PCDH15: variants seen among roughly 807,000 people sequenced by gnomAD.
PCDH15 encodes the protein protocadherin-15.
A neutral mutation model predicts 178.5 loss-of-function variants in PCDH15; 129 were observed. That is an observed-to-expected ratio of 0.72 (90% CI 0.63 to 0.84). The LOEUF is 0.84. Among genes scored for constraint, PCDH15 ranks in the 40% least tolerant of loss-of-function variants. PCDH15 has a pLI of 0.00. For synonymous variants in PCDH15, 800 were observed against 732.0 expected (o/e 1.09, Z -1.50); for missense variants, 2,230 against 2,099.9 (o/e 1.06, Z -1.21).
At chr10:54,415,102 A>C (rs1954126303) in intron 3 of PCDH15, among the ~76,000 whole-genome samples, 1 of 152,136 alleles carries the variant, frequency 6.6e-6, no homozygotes, top group Non-Finnish European at 1.5e-5. Flanking sequence ...AGAAATATTT[A>C]AAATCTATAC....
At chr10:54,630,939 T>C (rs968583852) in intron 2 of PCDH15, among the ~76,000 whole-genome samples, 1 of 152,044 alleles carries the variant, frequency 6.6e-6, no homozygotes, top group African/African-American at 2.4e-5. Context: ...GAAATACAAA[T>C]CAAAGCAAAT....
intron 2 of PCDH15, among the ~76,000 whole-genome samples, chr10:55,583,876 T>C (rs1193603230): frequency 1.3e-5 from 2 of 152,010 alleles, no homozygotes; most frequent in Non-Finnish European, 2.9e-5. Context: ...TTTATATATA[T>C]ACAATTTTTT....
At chr10:53,892,833 T>A (rs1016628254) in intron 26 of PCDH15, among the ~76,000 whole-genome samples, 3 of 152,182 alleles carry the variant, frequency 2.0e-5, no homozygotes, top group African/African-American at 4.8e-5. Flanking sequence ...CAGCGATATA[T>A]TCTTTAAAAA....
At chr10:55,399,097 C>A (rs193161738) in intron 2 of PCDH15, among the ~76,000 whole-genome samples, 42 of 152,052 alleles carry the variant, frequency 2.8e-4, no homozygotes, top group African/African-American at 9.6e-4. Context: ...TGTATATGTA[C>A]AAAATTCATT....
intron 3 of PCDH15, among the ~76,000 whole-genome samples, chr10:54,392,195 C>A (rs1444580100): frequency 4.6e-5 from 7 of 151,886 alleles, no homozygotes; most frequent in African/African-American, 7.2e-5. Flanking sequence ...CCGGGCATGG[C>A]GGCTTACACC....
At chr10:54,358,096 T>C (rs1010844217) in intron 5 of PCDH15, among the ~76,000 whole-genome samples, 11 of 150,076 alleles carry the variant, frequency 7.3e-5, no homozygotes, top group Non-Finnish European at 1.3e-4. Context: ...ATTCAGGACA[T>C]AGGCGTGGGC....
chr10:53,834,895 G>A (rs543478083), intron 29 of PCDH15, among the ~76,000 whole-genome samples: 2 of 152,120 alleles, frequency 1.3e-5, no homozygotes, highest in African/African-American at 2.4e-5. Context: ...TAAAGGGTGA[G>A]CAGGAGATTG....
intron 3 of PCDH15, among the ~76,000 whole-genome samples, chr10:54,826,716 C>T (rs1953138107): frequency 6.6e-6 from 1 of 151,914 alleles, no homozygotes; most frequent in African/African-American, 2.4e-5. Flanking sequence ...CATGCCAAGA[C>T]TCATTATTTT....
At chr10:53,924,876 T>C (rs531630717) in intron 25 of PCDH15, among the ~76,000 whole-genome samples, 49 of 152,310 alleles carry the variant, frequency 3.2e-4, no homozygotes, top group Non-Finnish European at 3.5e-4. Context: ...GTACCCTGTG[T>C]CTAGCTCAAG....
At chr10:54,968,752 A>G (rs894425752) in intron 2 of PCDH15, among the ~76,000 whole-genome samples, 1 of 152,128 alleles carries the variant, frequency 6.6e-6, no homozygotes, top group African/African-American at 2.4e-5. Context: ...TCAATCACAC[A>G]TAGCCATTTG....
intron 2 of PCDH15, among the ~76,000 whole-genome samples, chr10:54,651,082 TGAGTATTGTTGTAAACTG>T (rs2094249568): frequency 6.6e-6 from 1 of 151,912 alleles, no homozygotes; most frequent in Non-Finnish European, 1.5e-5. Context: ...AGAGAGAGAA[TGAGTATTGTTGTAAACTG>T]GAGTTCCACA....
chr10:54,939,215 C>A (rs2131861257), intron 2 of PCDH15, among the ~76,000 whole-genome samples: 1 of 151,952 alleles, frequency 6.6e-6, no homozygotes, highest in Non-Finnish European at 1.5e-5. Flanking sequence ...GTGATGTAGG[C>A]CGGGCGTGGT....
At chr10:55,365,972 A>G (rs1845349235) in intron 2 of PCDH15, 1 of 152,146 alleles carries the variant, frequency 6.6e-6, no homozygotes, top group South Asian at 2.1e-4. Flanking sequence ...TTACTTACTC[A>G]TGTCTGTACC....
rs576013183 is a variant in PCDH15 at position 54,724,568 on chromosome 10, G to A, written c.-28-60278C>T. 2.6e-5 allele frequency among the ~76,000 whole-genome samples: 4 copies of A among 151,586 alleles called. No homozygotes were observed. The South Asian group carries it at 8.3e-4, about 31-fold the overall frequency. On this transcript the variant is annotated intron_variant, in intron 1 of 37. Transcript: ENST00000644397. The stretch of plus-strand genomic sequence containing the variant: ...AAAAAAGAAATTAATATTAGCTGTA[G>A]AGAGTAGTATATCTTCACTGAAAAG...
At chr10:54,599,907 A>G (rs2092443788) in intron 2 of PCDH15, 1 of 752,604 alleles carries the variant, frequency 1.3e-6, no homozygotes, top group Admixed American at 2.1e-5. Flanking sequence ...AAGTTGAGGA[A>G]AAGAGTGAGG....
Position 54,020,393 on chromosome 10 carries a change from T to C in PCDH15, c.2550A>G (p.Ala850=), listed in dbSNP as rs140893140. ...QIEAKDVDLG[A]NVSYRIRSPE... ...GGCTTCTTATCCGGTAAGACACATT[T>C]GCTCCAAGGTCGACATCTTTGGCCT... The change falls in exon 20 of 38, where the codon GCA becomes GCG. Residue 850 remains alanine, a synonymous_variant. Transcript: ENST00000644397. The C allele has an allele frequency of 6.2e-7, 1 of 1,613,672 alleles. No homozygotes were observed. The highest frequency in any genetic ancestry group is 1.3e-5 in the African/African-American group (1 of 74,892).
At chr10:55,317,020 A>G (rs1038788624) in intron 1 of PCDH15, among the ~76,000 whole-genome samples, 1 of 152,206 alleles carries the variant, frequency 6.6e-6, no homozygotes, top group Non-Finnish European at 1.5e-5. Context: ...AAGCTGGCTT[A>G]GCTTTTCTCA....
intron 1 of PCDH15, among the ~76,000 whole-genome samples, chr10:54,704,352 G>A (rs1187793520): frequency 2.0e-5 from 3 of 152,040 alleles, no homozygotes; most frequent in Non-Finnish European, 4.4e-5. Context: ...ACTATCAAGT[G>A]TAAACAGACT....
rs950963923 is a variant in PCDH15 at position 54,503,942 on chromosome 10, C to G, written c.157+23870G>C. Among the ~76,000 whole-genome samples, 7 of 152,168 alleles carry G rather than the reference C, an allele frequency of 4.6e-5. No homozygotes were observed. In the South Asian group the frequency reaches 1.0e-3, roughly 23 times the overall value. ...GATGCCTGAGGCCAATGCACAGTGT[C>G]CGGAATTTTCCTCTTAAATGTGAAC... On this transcript the variant is annotated intron_variant, in intron 3 of 37. Transcript: ENST00000644397.
Sources: gnomAD v4.1 joint callset for allele counts (sites outside exome capture counted in the v4.1 genomes callset) on GRCh38, gnomAD v4.1.1 for gene constraint, MANE v1.5 for transcripts, NCBI Gene and HGNC (gene_info 2026-07-23, HGNC 2026-07-21) for gene names.